The following ERCC6L2 variants were observed in gnomAD, a reference collection of about 807,000 sequenced individuals.
ERCC6L2 encodes the protein DNA excision repair protein ERCC-6-like 2.
A neutral mutation model predicts 132.0 loss-of-function variants in ERCC6L2; 77 were observed. That is an observed-to-expected ratio of 0.58 (90% confidence interval 0.49 to 0.71). The LOEUF (loss-of-function observed/expected upper bound fraction) is 0.71. Among genes scored for constraint, ERCC6L2 ranks in the 30% least tolerant of loss-of-function variants. The pLI is 0.00. For missense variants in ERCC6L2, 1,542 were observed against 1,837.6 expected (o/e 0.84, Z 2.94); for synonymous variants, 583 against 632.4 (o/e 0.92, Z 1.17).
chr9:95,924,361 G>A (rs530717493), intron 9 of ERCC6L2, among the ~76,000 whole-genome samples: 5 of 151,916 alleles, frequency 3.3e-5, no homozygotes, highest in Non-Finnish European at 7.4e-5. Context: ...AAAAATAAAT[G>A]TTTATATTAA....
At chr9:95,949,469 A>G (rs1410420952) in intron 12 of ERCC6L2, among the ~76,000 whole-genome samples, 1 of 152,232 alleles carries the variant, frequency 6.6e-6, no homozygotes, top group Non-Finnish European at 1.5e-5. Context: ...CATGTCATGT[A>G]CAAGGAATTT....
intron 2 of ERCC6L2, among the ~76,000 whole-genome samples, chr9:95,888,806 G>A (rs1828010170): frequency 1.3e-5 from 2 of 152,108 alleles, no homozygotes; most frequent in Non-Finnish European, 2.9e-5. Flanking sequence ...ATCCACCTGT[G>A]CTGTTCTTCA....
chr9:96,018,578 A>C (rs1430581124), downstream of ERCC6L2, among the ~76,000 whole-genome samples: 1 of 151,338 alleles, frequency 6.6e-6, no homozygotes, highest in African/African-American at 2.4e-5. Context: ...TTCCCACCTC[A>C]GCCTCCCAAG....
rs1827553849 is a variant in ERCC6L2, at chr9:95,880,922, CTT to C, written c.102_103del (p.Cys35Ter). On this transcript the variant is annotated frameshift_variant, in exon 2 of 19. Transcript: ENST00000653738. LOFTEE classifies it high-confidence loss of function. Reference protein sequence around the residue: ...CLAPSPDNGKLCEASIKSITV... With the variant: ...CLAPSPDNGKXCEASIKSITV... Reference sequence around the variant, plus strand: ...TGCCCCTTCTCCAGATAATGGAAAACTTTGTGAAGCAAGCATAAAATCTATCA... The same window carrying C: ...TGCCCCTTCTCCAGATAATGGAAAACTGTGAAGCAAGCATAAAATCTATCA... The C allele has an allele frequency of 3.7e-6, 6 of 1,613,532 alleles. No homozygotes were observed. In the East Asian group the frequency reaches 1.3e-4, roughly 36 times the overall value.
intron 13 of ERCC6L2, among the ~76,000 whole-genome samples, chr9:95,965,501 T>C (rs111323727): frequency 0.024 from 3,666 of 152,160 alleles, 127 homozygotes; most frequent in African/African-American, 0.074. Flanking sequence ...ATAATCTCAA[T>C]AGTTAAGCAT....
chr9:96,004,792 C>A, intron 18 of ERCC6L2, 91 bp downstream of exon 18: 2 of 794,584 alleles, frequency 2.5e-6, no homozygotes, highest in Non-Finnish European at 3.6e-6. Flanking sequence ...TGAATTATAA[C>A]CATAACTGAC....
intron 20 of ERCC6L2, among the ~76,000 whole-genome samples, chr9:96,040,447 G>C (rs1434469629): frequency 6.6e-6 from 1 of 152,184 alleles, no homozygotes; most frequent in South Asian, 2.1e-4. Flanking sequence ...TGAAGGCCTG[G>C]CCTCTGATTC....
At chr9:95,916,531 GT>G in intron 6 of ERCC6L2, 97 bp downstream of exon 6, 1 of 1,026,272 alleles carries the variant, frequency 9.7e-7, no homozygotes, top group Non-Finnish European at 1.4e-6. Flanking sequence ...TGTAAATACA[GT>G]TTTTTGCCTT....
chr9:95,919,044 T>A (rs1412470104), intron 6 of ERCC6L2, among the ~76,000 whole-genome samples: 2 of 152,128 alleles, frequency 1.3e-5, no homozygotes, highest in Non-Finnish European at 2.9e-5. Flanking sequence ...AATTTTTGTA[T>A]TTGTAGTAGA....
At chr9:95,967,993 T>C (rs1348549228) in intron 14 of ERCC6L2, 1 of 152,200 alleles carries the variant, frequency 6.6e-6, no homozygotes, top group East Asian at 1.9e-4. Flanking sequence ...TACCTGTTTT[T>C]ATCAGAATAA....
intron 19 of ERCC6L2, among the ~76,000 whole-genome samples, chr9:96,037,553 G>A (rs1834533871): frequency 1.3e-5 from 2 of 152,234 alleles, no homozygotes; most frequent in South Asian, 4.1e-4. Flanking sequence ...TAACCAGGTG[G>A]AGAGAGATGC....
At chr9:96,029,031 G>A (rs1834417987) in intron 19 of ERCC6L2, among the ~76,000 whole-genome samples, 1 of 152,078 alleles carries the variant, frequency 6.6e-6, no homozygotes, top group Non-Finnish European at 1.5e-5. Flanking sequence ...GGGACTGGGC[G>A]CGGTGGCTCA....
At chr9:95,931,435 G>A (rs1798188786) in intron 11 of ERCC6L2, among the ~76,000 whole-genome samples, 1 of 151,962 alleles carries the variant, frequency 6.6e-6, no homozygotes, top group African/African-American at 2.4e-5. Context: ...CTTTTTCCTG[G>A]GTTCCATGCT....
rs574466480 is a variant in ERCC6L2, at chr9:95,972,695, G to C, written c.2944G>C (p.Glu982Gln). The C allele has an allele frequency of 2.3e-6, 3 of 1,301,222 alleles. No homozygotes were observed. Among genetic ancestry groups the C allele is most frequent in the East Asian group, 1.1e-4 (2 of 18,028 alleles). 80.6% of individuals were successfully genotyped at this position (1,301,222 alleles called of 1,614,324 possible). A position where few individuals can be genotyped will look rare whatever the true frequency, so the allele number is the denominator to read the frequency against. ...AAAAGGCACCAGTGATATCAGTGAT[G>C]AATCTGATGACATTGAAATTTCTTC... ...KRKGTSDISD[E>Q]SDDIEISSKS... The change falls in exon 16 of 19, where the codon GAA (glutamate) becomes CAA (glutamine). Residue 982 changes from glutamate to glutamine, a missense_variant. By Grantham distance (29) the Glu-to-Gln change is conservative (BLOSUM62 2). Coordinates refer to ENST00000653738, the MANE Select transcript of ERCC6L2 (RefSeq NM_020207.7).
At chr9:96,004,778 T>C in intron 18 of ERCC6L2, 77 bp downstream of exon 18, 1 of 926,674 alleles carries the variant, frequency 1.1e-6, no homozygotes, top group South Asian at 1.5e-5. Context: ...AATATGTAAA[T>C]ACTTGAATTA....
rs191395158 is a variant in ERCC6L2, at chr9:95,973,219, C to T, written c.3337+131C>T. ...GCTGCATTGAGGCACAAATAAGGAA[C>T]GGTTGGGTAGCAGGATAAATGGGAG... On this transcript the variant is annotated intron_variant, in intron 16 of 18. Coordinates refer to ENST00000653738, the MANE Select transcript of ERCC6L2 (RefSeq NM_020207.7). The T allele has an allele frequency of 7.5e-4, 402 of 536,336 alleles. 2 individuals are homozygous for T. Among genetic ancestry groups the T allele is most frequent in the East Asian group, 3.8e-3 (53 of 14,082 alleles). 33.2% of individuals were successfully genotyped at this position (536,336 alleles called of 1,614,324 possible). A position where few individuals can be genotyped will look rare whatever the true frequency, so the allele number is the denominator to read the frequency against.
intron 12 of ERCC6L2, among the ~76,000 whole-genome samples, chr9:95,954,158 C>T (rs1311017386): frequency 6.6e-6 from 1 of 152,210 alleles, no homozygotes; most frequent in African/African-American, 2.4e-5. Flanking sequence ...GTGGCAGGGT[C>T]AGGATCTGAA....
At chr9:95,932,145 A>G (rs1587929429) in intron 11 of ERCC6L2, among the ~76,000 whole-genome samples, 1 of 150,890 alleles carries the variant, frequency 6.6e-6, no homozygotes, top group South Asian at 2.1e-4. Flanking sequence ...GCTCACTGCA[A>G]CCTCCGCCTC....
At chr9:95,960,494 C>T (rs1022674654) in intron 13 of ERCC6L2, among the ~76,000 whole-genome samples, 1 of 152,074 alleles carries the variant, frequency 6.6e-6, no homozygotes, top group African/African-American at 2.4e-5. Context: ...TAAGAAAGAG[C>T]TAGAGGACAA....
Sources: gnomAD v4.1 joint callset for allele counts (sites outside exome capture counted in the v4.1 genomes callset) on GRCh38, gnomAD v4.1.1 for gene constraint, MANE v1.5 for transcripts, NCBI Gene and HGNC (gene_info 2026-07-23, HGNC 2026-07-21) for gene names.